Variants in ITGAV observed in about 807,000 individuals in gnomAD.
The protein encoded by ITGAV is integrin subunit alpha V, also known as integrin alpha-V.
A neutral mutation model predicts 143.8 loss-of-function variants in ITGAV; 76 were observed. The observed-to-expected ratio is 0.53, with a 90% CI of 0.44 to 0.64. The LOEUF is 0.64. Ranked by LOEUF, ITGAV falls within the 30% of genes least tolerant of loss-of-function variation. The pLI is 0.00. For missense variants in ITGAV, 1,193 were observed against 1,274.7 expected, an observed-to-expected ratio of 0.94 and a Z score of 0.98; for synonymous variants, 453 against 446.7, an observed-to-expected ratio of 1.01 and a Z score of -0.18.
chr2:186,613,207 T>A (rs1687264075), intron 2 of ITGAV, among the ~76,000 whole-genome samples: 1 of 151,936 alleles, frequency 6.6e-6, no homozygotes, highest in Non-Finnish European at 1.5e-5. Flanking sequence ...GTTAGATGCT[T>A]TCAGGATCAT....
chr2:186,643,496 T>A (rs1217603149), intron 12 of ITGAV, among the ~76,000 whole-genome samples: 1 of 152,222 alleles, frequency 6.6e-6, no homozygotes, highest in East Asian at 1.9e-4. Flanking sequence ...TATACATGTA[T>A]ATGTTCTATT....
chr2:186,623,334 A>G (rs1687586727), intron 3 of ITGAV, among the ~76,000 whole-genome samples: 1 of 151,926 alleles, frequency 6.6e-6, no homozygotes, highest in African/African-American at 2.4e-5. Flanking sequence ...AGCATTATTC[A>G]GAATGGTCAA....
Position 186,667,752 on chromosome 2 carries a change from G to T in ITGAV, c.2409G>T (p.Gly803=), listed in dbSNP as rs200191747. 5.0e-6 allele frequency: 8 copies of T among 1,609,866 alleles called. No homozygotes were observed. Among genetic ancestry groups the T allele is most frequent in the Non-Finnish European group, 6.8e-6 (8 of 1,177,318 alleles). ...KENPETEEDV[G]PVVQHIYELR... Reference sequence around the variant, plus strand: ...ACCCTGAGACTGAAGAAGATGTTGGGCCAGTTGTTCAGCACATCTATGAGG... The same window carrying T: ...ACCCTGAGACTGAAGAAGATGTTGGTCCAGTTGTTCAGCACATCTATGAGG... The change falls in exon 24 of 30, where the codon GGG becomes GGT. Residue 803 remains glycine, a synonymous_variant. Coordinates refer to ENST00000261023, the MANE Select transcript of ITGAV (RefSeq NM_002210.5).
intron 17 of ITGAV, among the ~76,000 whole-genome samples, chr2:186,656,637 T>G (rs1688595398): frequency 6.6e-6 from 1 of 152,010 alleles, no homozygotes; most frequent in Admixed American, 6.6e-5. Flanking sequence ...ATGATAAACA[T>G]ATTTCTTAAA....
At chr2:186,640,007 A>G (rs1279835186) in intron 10 of ITGAV, among the ~76,000 whole-genome samples, 1 of 152,212 alleles carries the variant, frequency 6.6e-6, no homozygotes. Flanking sequence ...GTATCAACCC[A>G]AAATAGATAA....
chr2:186,625,825 A>C (rs1687663725), intron 4 of ITGAV, among the ~76,000 whole-genome samples: 1 of 152,278 alleles, frequency 6.6e-6, no homozygotes, highest in East Asian at 1.9e-4. Context: ...TTAGTATAAT[A>C]ATAGTTACTA....
intron 15 of ITGAV, among the ~76,000 whole-genome samples, chr2:186,654,151 G>T (rs1228454472): frequency 6.6e-6 from 1 of 152,058 alleles, no homozygotes; most frequent in Non-Finnish European, 1.5e-5. Context: ...TGGCCAACGT[G>T]GTGAAACACT....
intron 26 of ITGAV, among the ~76,000 whole-genome samples, chr2:186,673,834 A>AT (rs1689132843): frequency 6.6e-6 from 1 of 151,634 alleles, no homozygotes; most frequent in Non-Finnish European, 1.5e-5. Flanking sequence ...GGACTGGCTA[A>AT]TTTTTTGTAT....
chr2:186,660,150 T>C (rs971996741), intron 18 of ITGAV, among the ~76,000 whole-genome samples: 1 of 152,138 alleles, frequency 6.6e-6, no homozygotes, highest in Non-Finnish European at 1.5e-5. Flanking sequence ...ATTTTCTGTT[T>C]ATAGTTTTAT....
chr2:186,672,592 TG>T (rs1689097059), intron 26 of ITGAV, among the ~76,000 whole-genome samples: 1 of 152,230 alleles, frequency 6.6e-6, no homozygotes, highest in Non-Finnish European at 1.5e-5. Context: ...TATTATTTTC[TG>T]CTTTTGTTTG....
chr2:186,668,500 A>G (rs1688977360), intron 24 of ITGAV: 2 of 335,148 alleles, frequency 6.0e-6, no homozygotes, highest in South Asian at 5.5e-5. Context: ...CGGCCTCCCA[A>G]AGTGCTGGGA....
chr2:186,654,243 G>T (rs1478329457), intron 15 of ITGAV, among the ~76,000 whole-genome samples: 1 of 151,350 alleles, frequency 6.6e-6, no homozygotes, highest in African/African-American at 2.4e-5. Flanking sequence ...TGAGGCAGGA[G>T]AATTGCTTGA....
chr2:186,606,747 A>T (rs2105662551), intron 2 of ITGAV, among the ~76,000 whole-genome samples: 1 of 152,204 alleles, frequency 6.6e-6, no homozygotes, highest in Non-Finnish European at 1.5e-5. Flanking sequence ...ATTTTTGAAT[A>T]CATATTGTGT....
intron 15 of ITGAV, 88 bp from the exon 16 acceptor site, chr2:186,654,562 A>G (rs1180088452): frequency 3.1e-6 from 2 of 640,858 alleles, no homozygotes; most frequent in Non-Finnish European, 5.5e-6. Flanking sequence ...AATACAAACT[A>G]TGTAGTAGAA....
At chr2:186,630,309 T>C (rs1687781429) in intron 4 of ITGAV, among the ~76,000 whole-genome samples, 1 of 152,030 alleles carries the variant, frequency 6.6e-6, no homozygotes, top group Non-Finnish European at 1.5e-5. Flanking sequence ...AGATCACAAC[T>C]TGTTAGTGTT....
chr2:186,622,199 C>T (rs1447260129), intron 2 of ITGAV, 140 bp from the exon 3 acceptor site: 1 of 610,770 alleles, frequency 1.6e-6, no homozygotes, highest in African/African-American at 1.9e-5. Context: ...TGTATATAAA[C>T]TGTATATGAG....
chr2:186,593,651 A>G (rs1022529577), intron 1 of ITGAV, among the ~76,000 whole-genome samples: 3 of 152,114 alleles, frequency 2.0e-5, no homozygotes, highest in African/African-American at 7.2e-5. Flanking sequence ...TAATTTGCTA[A>G]GCACTTATAT....
chr2:186,637,411 G>T (rs1293099802), intron 8 of ITGAV, among the ~76,000 whole-genome samples: 1 of 151,114 alleles, frequency 6.6e-6, no homozygotes, highest in South Asian at 2.1e-4. Context: ...GCCCAGGGAG[G>T]TTGAGGCTGC....
intron 12 of ITGAV, among the ~76,000 whole-genome samples, chr2:186,645,304 A>G (rs1333259413): frequency 2.0e-5 from 3 of 152,182 alleles, no homozygotes; most frequent in African/African-American, 7.2e-5. Context: ...AACGACATTG[A>G]TCTATCATTT....
Sources: gnomAD v4.1 joint callset for allele counts (sites outside exome capture counted in the v4.1 genomes callset) on GRCh38, gnomAD v4.1.1 for gene constraint, MANE v1.5 for transcripts, NCBI Gene and HGNC (gene_info 2026-07-23, HGNC 2026-07-21) for gene names.